The following TTN variants were observed in gnomAD, a reference collection of about 807,000 sequenced individuals.
TTN encodes the protein titin.
In TTN, 1,525 loss-of-function variants were observed where a neutral mutation model predicts 3,223.0. The observed-to-expected ratio is 0.47, with a 90% CI of 0.45 to 0.49. The LOEUF (loss-of-function observed/expected upper bound fraction) is 0.49, where lower values mean the gene tolerates loss of function less well. Ranked by LOEUF, TTN falls within the 20% of genes least tolerant of loss-of-function variation. The pLI is 0.00. For synonymous variants in TTN, 14,094 were observed against 15,161.0 expected (o/e 0.93, Z 5.17); for missense variants, 40,786 against 43,424.0 (o/e 0.94, Z 5.40).
At chr2:178,759,752 T>C (rs1275968776) in intron 43 of TTN, among the ~76,000 whole-genome samples, 1 of 152,168 alleles carries the variant, frequency 6.6e-6, no homozygotes, top group Non-Finnish European at 1.5e-5. Flanking sequence ...GCACAAATAA[T>C]TGTAGAGAAA....
Position 178,563,477 on chromosome 2 carries a change from A to C in TTN, c.82655T>G (p.Val27552Gly), listed in dbSNP as rs1215140042. 1 of 1,613,704 alleles carries C rather than the reference A, an allele frequency of 6.2e-7. No homozygotes were observed. Among genetic ancestry groups the C allele is most frequent in the African/African-American group, 1.3e-5 (1 of 75,022 alleles). ...FRVAAENAAG[V>G]GEPSEPSVFY... ...AACAGATGGCTCACTAGGTTCTCCC[A>C]CACCAGCTGCATTTTCAGCAGCAAC... The change falls in exon 326 of 363, where the codon GTG (valine) becomes GGG (glycine). Residue 27552 changes from valine (V) to glycine (G), a missense_variant. Coordinates refer to ENST00000589042, the MANE Select transcript of TTN (RefSeq NM_001267550.2). This position sits in a 1 kb window ranked among gnomAD's most constrained non-coding sequence, Gnocchi z 4.5.
chr2:178,567,850 G>A lies in TTN; in HGVS notation c.78282C>T (p.Thr26094=). Residue 26094 remains threonine (T), a synonymous_variant, in exon 326 of 363, where the codon ACC becomes ACT. Transcript: ENST00000589042. ...TTCTTTTAACCATTATTGGTTCTGG[G>A]GTTCCTGGTGGGTCACAGGGATCTC... ...VARDPCDPPG[T]PEPIMVKRNE... 1 of 1,613,408 alleles carries A rather than the reference G, an allele frequency of 6.2e-7. No homozygotes were observed. Among genetic ancestry groups the A allele is most frequent in the Non-Finnish European group, 8.5e-7 (1 of 1,179,580 alleles).
Position 178,614,759 on chromosome 2 carries a change from T to A in TTN, c.48761-6A>T. On this transcript the variant is annotated splice_polypyrimidine_tract_variant and splice_region_variant and intron_variant, in intron 260 of 362. Coordinates refer to ENST00000589042, the MANE Select transcript of TTN (RefSeq NM_001267550.2). ...GAGGAAGATTTCTGGGGCCTCTGAA[T>A]TGGAAAAGATTATTTATGATGTTAT... 6.2e-7 allele frequency: 1 copy of A among 1,604,050 alleles called. No individual in the cohort carries two copies. Among genetic ancestry groups the A allele is most frequent in the Non-Finnish European group, 8.5e-7 (1 of 1,175,242 alleles).
chr2:178,799,347 A>C, intron 6 of TTN, 140 bp downstream of exon 6: 14 of 1,318,364 alleles, frequency 1.1e-5, no homozygotes, highest in Non-Finnish European at 1.5e-5. Context: ...ATGCTCCCCT[A>C]GAGGTTTGAG....
Position 178,539,146 on chromosome 2 carries a change from G to T in TTN, c.98789C>A (p.Thr32930Lys), listed in dbSNP as rs796822435. The T allele has an allele frequency of 6.2e-7, 1 of 1,613,802 alleles. No homozygotes were observed. Among genetic ancestry groups the T allele is most frequent in the Admixed American group, 1.7e-5 (1 of 60,006 alleles). Residue 32930 changes from threonine (T) to lysine (K), a missense_variant, in exon 353 of 363, where the codon ACA becomes AAA. By Grantham distance (78) the Thr-to-Lys change is moderately conservative (BLOSUM62 -1). Transcript: ENST00000589042. ...RPKDDGGSRV[T>K]GYYIERKETS... is the part of the protein sequence containing the mutation. Reference sequence around the variant, plus strand: ...CTCTTTGCGTTCGATGTAGTAGCCTGTGACTCTAGAACCACCATCATCTTT... The same window carrying T: ...CTCTTTGCGTTCGATGTAGTAGCCTTTGACTCTAGAACCACCATCATCTTT...
rs758242465 is a variant in TTN at position 178,688,657 on chromosome 2, CCT to C, written c.32197+18_32197+19del. ...GAAACACACACAAACTCATTTATCC[CCT>C]GACTTCCGATTATATACCTTCGTGC... On this transcript the variant is annotated intron_variant, in intron 126 of 362. Coordinates refer to ENST00000589042, the MANE Select transcript of TTN (RefSeq NM_001267550.2). 9 of 1,553,786 alleles carry C rather than the reference CCT, an allele frequency of 5.8e-6. No individual in the cohort carries two copies. The highest frequency in any genetic ancestry group is 1.7e-4 in the Middle Eastern group (1 of 5,944).
chr2:178,763,463 A>T (rs1174411090), intron 43 of TTN, among the ~76,000 whole-genome samples: 1 of 152,238 alleles, frequency 6.6e-6, no homozygotes, highest in Non-Finnish European at 1.5e-5. Context: ...TCTACTATGT[A>T]TCAGGTGATA....
chr2:178,715,839 G>A (rs905487229), intron 88 of TTN, 65 bp from the exon 89 acceptor site: 1 of 1,449,072 alleles, frequency 6.9e-7, no homozygotes, highest in Non-Finnish European at 9.2e-7. Flanking sequence ...TCAAGATGAG[G>A]TGGAAAAAAT....
chr2:178,556,433 A>G, intron 330 of TTN: 1 of 210,438 alleles, frequency 4.8e-6, no homozygotes. Context: ...TCTGTCTCAA[A>G]ACAAACAAAC....
In TTN at chr2:178,728,896, AC is replaced by A; in HGVS notation, c.19141del (p.Val6381TyrfsTer8). ...AAAGAGAATAGCTTACAAACCTTGT[AC>A]TAAAAGGAAAGCATAACACCTCTCA... is the stretch of plus-strand genomic sequence containing the variant. ...GVERCYAFLL[V>X]QEPAQIVEKA... On this transcript the variant is annotated frameshift_variant, in exon 65 of 363. Coordinates refer to ENST00000589042, the MANE Select transcript of TTN (RefSeq NM_001267550.2). LOFTEE classifies it high-confidence loss of function. 6.3e-7 allele frequency: 1 copy of A among 1,594,934 alleles called. No individual in the cohort carries two copies. The highest frequency in any genetic ancestry group is 8.6e-7 in the Non-Finnish European group (1 of 1,168,978).
rs772058084 is a variant in TTN at position 178,559,881 on chromosome 2, C to G, written c.86251G>C (p.Glu28751Gln). Reference protein sequence around the residue: ...DPQIAKEREEEPLFDIDSEMR... With the variant: ...DPQIAKEREEQPLFDIDSEMR... Reference sequence around the variant, plus strand: ...TCACTGTCAATATCAAATAAAGGTTCTTCTTCTCTTTCCTTTGCTATCTGA... The same window carrying G: ...TCACTGTCAATATCAAATAAAGGTTGTTCTTCTCTTTCCTTTGCTATCTGA... Residue 28751 changes from glutamate to glutamine, a missense_variant, in exon 326 of 363, where the codon GAA becomes CAA. Glu to Gln is a conservative substitution (Grantham distance 29). Transcript: ENST00000589042. 13 of 1,612,822 alleles carry G rather than the reference C, an allele frequency of 8.1e-6. No individual in the cohort carries two copies. In the South Asian group the frequency reaches 1.2e-4, roughly 15 times the overall value.
rs747246624 is a variant in TTN, at chr2:178,587,267, G to T, written c.63944C>A (p.Thr21315Asn). The stretch of plus-strand genomic sequence containing the variant: ...TGTTTTCTTAACTTCTGGGGTAACG[G>T]TCGACCATGTCTTTCTGTCTGCCTC... ...KREADRKTWSTVTPEVKKTSF... is the reference protein window; with the variant it reads ...KREADRKTWSNVTPEVKKTSF... The change falls in exon 307 of 363, where the codon ACC (threonine) becomes AAC (asparagine). Residue 21315 changes from threonine to asparagine, a missense_variant. Coordinates refer to ENST00000589042, the MANE Select transcript of TTN (RefSeq NM_001267550.2). 9 of 1,613,036 alleles carry T rather than the reference G, an allele frequency of 5.6e-6. No individual in the cohort carries two copies. In the Admixed American group the frequency reaches 6.7e-5, roughly 12 times the overall value.
intron 44 of TTN, chr2:178,758,704 C>T (rs1412999174): frequency 2.2e-6 from 1 of 458,366 alleles, no homozygotes; most frequent in Non-Finnish European, 4.0e-6. Flanking sequence ...CCTTCTGATT[C>T]ATGCTGATTA....
chr2:178,557,171 C>T (rs72648233), intron 329 of TTN, 27 bp from the exon 330 acceptor site: 46 of 1,612,298 alleles, frequency 2.9e-5, no homozygotes, highest in Middle Eastern at 3.3e-4. Context: ...AGCAGATTAG[C>T]GGCACTTATA....
chr2:178,741,016 T>C lies in TTN; in HGVS notation c.12217A>G (p.Thr4073Ala). The change falls in exon 48 of 363, where the codon ACG becomes GCG. Residue 4073 changes from threonine (T) to alanine (A), a missense_variant. By Grantham distance (58) the Thr-to-Ala change is moderately conservative. Transcript: ENST00000589042. ...EALDSEQEIA[T>A]FVKDTILKAA... ...TTCAAAATGGTGTCTTTTACAAACG[T>C]TGCAATTTCCTGCTCTGAGTCAAGT... 6.2e-7 allele frequency: 1 copy of C among 1,613,942 alleles called. No individual in the cohort carries two copies. Among genetic ancestry groups the C allele is most frequent in the Non-Finnish European group, 8.5e-7 (1 of 1,179,844 alleles).
Position 178,618,207 on chromosome 2 carries a change from C to T in TTN, c.47251G>A (p.Glu15751Lys), listed in dbSNP as rs2057702723. The change falls in exon 252 of 363, where the codon GAA becomes AAA. Residue 15751 changes from glutamate to lysine, a missense_variant. Coordinates refer to ENST00000589042, the MANE Select transcript of TTN (RefSeq NM_001267550.2). ...GEPVETDNPV[E>K]ARSKYDVPGP... Reference sequence around the variant, plus strand: ...TTCTTACCATATTTACTCCTTGCTTCTACAGGATTGTCAGTTTCTACTGGC... The same window carrying T: ...TTCTTACCATATTTACTCCTTGCTTTTACAGGATTGTCAGTTTCTACTGGC... 1 of 1,612,516 alleles carries T rather than the reference C, an allele frequency of 6.2e-7. No homozygotes were observed. The highest frequency in any genetic ancestry group is 8.5e-7 in the Non-Finnish European group (1 of 1,179,130).
chr2:178,669,767 G>A (rs1181381367), intron 157 of TTN, 92 bp from the exon 158 acceptor site: 30 of 1,219,160 alleles, frequency 2.5e-5, no homozygotes, highest in East Asian at 1.2e-4. Flanking sequence ...CAAGATGAAC[G>A]CCAAAAACCC....
At position 178,757,172 on chromosome 2, in the gene TTN, G is replaced by A; in HGVS notation, c.10678+370C>T. Among the ~76,000 whole-genome samples the A allele has an allele frequency of 1.3e-5, 2 of 151,710 alleles. 1 individual carries two copies. The highest frequency in any genetic ancestry group is 2.9e-5 in the Non-Finnish European group (2 of 68,050). ...TGCTTTAAGTACAGTAAGTAATACT[G>A]TACTTACTTTAAGTACAGTAAGTAA... On this transcript the variant is annotated intron_variant, in intron 45 of 362. Coordinates refer to ENST00000589042, the MANE Select transcript of TTN (RefSeq NM_001267550.2).
At chr2:178,721,406 T>C (rs2078338991) in intron 78 of TTN, among the ~76,000 whole-genome samples, 1 of 151,948 alleles carries the variant, frequency 6.6e-6, no homozygotes, top group African/African-American at 2.4e-5. Flanking sequence ...TTAAAATTTA[T>C]TATTATTATA....
Sources: allele counts gnomAD v4.1 joint callset (sites outside exome capture counted in the v4.1 genomes callset), GRCh38; gene constraint gnomAD v4.1.1; non-coding constraint Gnocchi (gnomAD v3.1); transcripts MANE v1.5; gene names NCBI Gene and HGNC (gene_info 2026-07-23, HGNC 2026-07-21).